The following CHRD variants were observed in gnomAD, a reference collection of about 807,000 sequenced individuals.
The protein encoded by CHRD is chordin.
CHRD carries 69 observed loss-of-function variants against 113.7 expected under a neutral mutation model. That is an observed-to-expected ratio of 0.61 (90% confidence interval 0.50 to 0.74). CHRD has a LOEUF of 0.74. CHRD is among the 30% of genes least tolerant of loss of function. The probability of loss-of-function intolerance (pLI) is 0.00; values close to 1 mark genes in which losing one functional copy is unlikely to be tolerated. For missense variants in CHRD, 1,194 were observed against 1,295.8 expected (o/e 0.92, Z 1.21); for synonymous variants, 561 against 540.8 (o/e 1.04, Z -0.52).
exon 17 of CHRD, chr3:184,386,850 A>G: frequency 6.2e-7 from 1 of 1,614,108 alleles, no homozygotes; most frequent in Non-Finnish European, 8.5e-7. Flanking sequence ...TGCAGAGACG[A>G]ACGGTGATCT....
In CHRD at chr3:184,381,586, C is replaced by G; in HGVS notation, c.473C>G (p.Pro158Arg). ...CGCAGTTATAGCGACCGCGGGGAGC[C>G]AGGCGCTGAGGAGCGGGCCCGTGGT... Residue 158 changes from proline to arginine, a missense_variant, in exon 4 of 23, where the codon CCA becomes CGA. Pro to Arg is a moderately radical substitution (Grantham distance 103). Transcript: ENST00000204604. The surrounding 1 kb of genome is among the most constrained non-coding windows in gnomAD (Gnocchi z 4.7). 1 of 1,608,684 alleles carries G rather than the reference C, an allele frequency of 6.2e-7. No individual in the cohort carries two copies. The highest frequency in any genetic ancestry group is 8.5e-7 in the Non-Finnish European group (1 of 1,177,746).
Position 184,388,013 on chromosome 3 carries a change from A to G in CHRD, c.2534A>G (p.Asp845Gly). 2 of 1,613,622 alleles carry G rather than the reference A, an allele frequency of 1.2e-6. No homozygotes were observed. The highest frequency in any genetic ancestry group is 4.5e-5 in the East Asian group (2 of 44,880). Residue 845 changes from aspartate (D) to glycine (G), a missense_variant, in exon 20 of 23, where the codon GAC (aspartate) becomes GGC (glycine). Physicochemically the swap from Asp to Gly is moderately conservative, Grantham distance 94. Transcript: ENST00000204604. This position sits in a 1 kb window ranked among gnomAD's most constrained non-coding sequence, Gnocchi z 6.1. ...CAGCCTGTGCGTGTCAACCCCACCG[A>G]CTGCTGCAAACAGTGTCCAGGTGAG...
In CHRD at chr3:184,381,500, C is replaced by T. The variant is rs992004711; in HGVS notation, c.387C>T (p.Arg129=). 13 of 1,596,446 alleles carry T rather than the reference C, an allele frequency of 8.1e-6. No individual in the cohort carries two copies. In the Admixed American group the frequency reaches 1.2e-4, roughly 15 times the overall value. Residue 129 remains arginine, a synonymous_variant, in exon 4 of 23, where the codon CGC becomes CGT. Transcript: ENST00000204604. The surrounding 1 kb of genome is among the most constrained non-coding windows in gnomAD (Gnocchi z 4.7). ...TTCTTACCCCCCCGCCCGCAGAGCG[C>T]AGCAGTTCGGAGCGGCAGCCGAGCG... is the stretch of plus-strand genomic sequence containing the variant.
chr3:184,388,015 T>G lies in CHRD; in HGVS notation c.2536T>G (p.Cys846Gly). 1 of 1,613,632 alleles carries G rather than the reference T, an allele frequency of 6.2e-7. No individual in the cohort carries two copies. ...GCCTGTGCGTGTCAACCCCACCGAC[T>G]GCTGCAAACAGTGTCCAGGTGAGAG... Residue 846 changes from cysteine (C) to glycine (G), a missense_variant, in exon 20 of 23, where the codon TGC becomes GGC. By Grantham distance (159) the Cys-to-Gly change is radical. Transcript: ENST00000204604. This position sits in a 1 kb window ranked among gnomAD's most constrained non-coding sequence, Gnocchi z 6.1.
At position 184,384,660 on chromosome 3, in the gene CHRD, C is replaced by T. The variant is rs1716003064; in HGVS notation, c.1564C>T (p.Leu522=). The T allele has an allele frequency of 1.3e-6, 2 of 1,591,670 alleles. No individual in the cohort carries two copies. Among genetic ancestry groups the T allele is most frequent in the Non-Finnish European group, 8.6e-7 (1 of 1,169,510 alleles). ...AGAGCTTCGGGGGCACGTGGCTGCCCTGCCCTACTGTGGGCATAGCGCCCG... is the reference window on the plus strand; with the variant it reads ...AGAGCTTCGGGGGCACGTGGCTGCCTTGCCCTACTGTGGGCATAGCGCCCG... Residue 522 remains leucine (L), a synonymous_variant, in exon 13 of 23, where the codon CTG becomes TTG. Transcript: ENST00000204604. This position sits in a 1 kb window ranked among gnomAD's most constrained non-coding sequence, Gnocchi z 4.4.
At chr3:184,386,446 C>G in intron 15 of CHRD, 46 bp from the exon 16 acceptor site, 10 of 1,529,306 alleles carry the variant, frequency 6.5e-6, no homozygotes, top group Non-Finnish European at 8.8e-6. Context: ...CTGGTAAAGA[C>G]GCGAGGGGGA....
At position 184,381,924 on chromosome 3, in the gene CHRD, C is replaced by T. The variant is rs1715506928; in HGVS notation, c.612-9C>T. ...CTCAGTCCGGCCTCACCCGACCTCT[C>T]ATTCCCAGGCTGGACCGCCCTACCA... is the stretch of plus-strand genomic sequence containing the variant. On this transcript the variant is annotated splice_polypyrimidine_tract_variant and intron_variant, in intron 5 of 22. Coordinates refer to ENST00000204604, the Ensembl canonical transcript of CHRD. This position sits in a 1 kb window ranked among gnomAD's most constrained non-coding sequence, Gnocchi z 4.7. 13 of 1,613,964 alleles carry T rather than the reference C, an allele frequency of 8.1e-6. No individual in the cohort carries two copies. The highest frequency in any genetic ancestry group is 1.1e-5 in the Non-Finnish European group (13 of 1,180,028).
exon 17 of CHRD, chr3:184,386,913 C>G (rs141541705): frequency 6.8e-6 from 11 of 1,614,094 alleles, no homozygotes; most frequent in African/African-American, 1.3e-5. Context: ...TGCAGGCTCC[C>G]GACCAGTGCT....
chr3:184,386,394 C>T, intron 15 of CHRD, 98 bp from the exon 16 acceptor site: 2 of 1,485,044 alleles, frequency 1.3e-6, no homozygotes, highest in Non-Finnish European at 9.0e-7. Flanking sequence ...CACTGCAGCG[C>T]TCAGGGGGCC....
chr3:184,380,646 A>G lies in CHRD; in HGVS notation c.149-46A>G. The G allele has an allele frequency of 6.9e-7, 1 of 1,459,536 alleles. No individual in the cohort carries two copies. Among genetic ancestry groups the G allele is most frequent in the Non-Finnish European group, 9.1e-7 (1 of 1,100,860 alleles). The allele number at this position is 1,459,536 out of a possible 1,614,324, so 90.4% of individuals were successfully genotyped here. ...CCGCGGGCAGCCCCCGGGGCGGCAC[A>G]CGGCGCGAGCTGGGCAGCGGCCTCC... On this transcript the variant is annotated intron_variant, in intron 1 of 22. Transcript: ENST00000204604. This position sits in a 1 kb window ranked among gnomAD's most constrained non-coding sequence, Gnocchi z 6.3.
chr3:184,388,466 C>T lies in CHRD; in HGVS notation c.2555-121C>T. 1 of 1,108,488 alleles carries T rather than the reference C, an allele frequency of 9.0e-7. No homozygotes were observed. Among genetic ancestry groups the T allele is most frequent in the South Asian group, 1.5e-5 (1 of 66,358 alleles). The allele number at this position is 1,108,488 out of a possible 1,614,324, so 68.7% of individuals were successfully genotyped here. On this transcript the variant is annotated intron_variant, in intron 20 of 22. Transcript: ENST00000204604. The surrounding 1 kb of genome is among the most constrained non-coding windows in gnomAD (Gnocchi z 6.1). ...ATCCATCCATTCATCTGCCCACCCA[C>T]CCATCCAAATTTATCACCTACTAAG...
rs188717397 is a variant in CHRD, at chr3:184,384,376, G to A, written c.1441-161G>A. Among the ~76,000 whole-genome samples the A allele has an allele frequency of 6.6e-3, 1,010 of 152,318 alleles. 10 individuals carry two copies. Among genetic ancestry groups the A allele is most frequent in the African/African-American group, 0.022 (900 of 41,576 alleles). On this transcript the variant is annotated intron_variant, in intron 12 of 22. Transcript: ENST00000204604. The surrounding 1 kb of genome is among the most constrained non-coding windows in gnomAD (Gnocchi z 4.4). ...TTGAAGGTTGTTACATAGCTAGGAAGCAGCAGGGGAGGGCCTTGAAACTGG... is the reference window on the plus strand; with the variant it reads ...TTGAAGGTTGTTACATAGCTAGGAAACAGCAGGGGAGGGCCTTGAAACTGG...
rs183905581 is a variant in CHRD at position 184,388,547 on chromosome 3, G to A, written c.2555-40G>A. 4,600 of 1,577,394 alleles carry A rather than the reference G, an allele frequency of 2.9e-3. 10 individuals carry two copies. The highest frequency in any genetic ancestry group is 4.7e-3 in the Admixed American group (251 of 53,812). The stretch of plus-strand genomic sequence containing the variant: ...AAGAGAATACTCATAAAACCTTGTT[G>A]GTCCTCCTGGGCTGATCCTTTCTCT... On this transcript the variant is annotated intron_variant, in intron 20 of 22. Transcript: ENST00000204604. This position sits in a 1 kb window ranked among gnomAD's most constrained non-coding sequence, Gnocchi z 6.1.
rs202122376 is a variant in CHRD, at chr3:184,381,486, C to A, written c.383-10C>A. The A allele has an allele frequency of 3.2e-6, 5 of 1,587,162 alleles. No individual in the cohort carries two copies. Among genetic ancestry groups the A allele is most frequent in the South Asian group, 2.3e-5 (2 of 87,960 alleles). On this transcript the variant is annotated splice_polypyrimidine_tract_variant and intron_variant, in intron 3 of 22. Coordinates refer to ENST00000204604, the Ensembl canonical transcript of CHRD. This position sits in a 1 kb window ranked among gnomAD's most constrained non-coding sequence, Gnocchi z 4.7. ...AGCTGAAGCCCGTGTTCTTACCCCC[C>A]CGCCCGCAGAGCGCAGCAGTTCGGA...
At position 184,384,166 on chromosome 3, in the gene CHRD, T is replaced by G. The variant is rs1271923364; in HGVS notation, c.1441-371T>G. Reference sequence around the variant, plus strand: ...TGTGCTTAGCAAGCTCACAGTCAAATGGGAGCATTGGACCTGGAGAACAGT... The same window carrying G: ...TGTGCTTAGCAAGCTCACAGTCAAAGGGGAGCATTGGACCTGGAGAACAGT... On this transcript the variant is annotated intron_variant, in intron 12 of 22. Transcript: ENST00000204604. The surrounding 1 kb of genome is among the most constrained non-coding windows in gnomAD (Gnocchi z 4.4). Among the ~76,000 whole-genome samples the G allele has an allele frequency of 2.6e-5, 4 of 152,166 alleles. No individual in the cohort carries two copies. Among genetic ancestry groups the G allele is most frequent in the Non-Finnish European group, 5.9e-5 (4 of 68,036 alleles).
rs896253227 is a variant in CHRD, at chr3:184,380,492, G to A, written c.148+26G>A. 8 of 1,165,132 alleles carry A rather than the reference G, an allele frequency of 6.9e-6. No individual in the cohort carries two copies. Among genetic ancestry groups the A allele is most frequent in the African/African-American group, 3.3e-5 (2 of 61,132 alleles). The allele number at this position is 1,165,132 out of a possible 1,614,324, so 72.2% of individuals were successfully genotyped here. A position where few individuals can be genotyped will look rare whatever the true frequency, so the allele number is the denominator to read the frequency against. ...GTAGGTGGGCGCCCGGGGGAGGCGC[G>A]GGCGGGGAGTCGGGCTCGGGGCGAG... On this transcript the variant is annotated intron_variant, in intron 1 of 22. Coordinates refer to ENST00000204604, the Ensembl canonical transcript of CHRD. This position sits in a 1 kb window ranked among gnomAD's most constrained non-coding sequence, Gnocchi z 6.3.
Position 184,380,330 on chromosome 3 carries a change from C to A in CHRD, c.12C>A (p.Leu4=). ...GTCCCGTTCGCGTCATGCCGAGCCT[C>A]CCGGCCCCGCCGGCCCCGCTGCTGC... The change falls in exon 1 of 23, where the codon CTC becomes CTA. Residue 4 remains leucine (L), a synonymous_variant. Coordinates refer to ENST00000204604, the Ensembl canonical transcript of CHRD. The surrounding 1 kb of genome is among the most constrained non-coding windows in gnomAD (Gnocchi z 6.3). The A allele has an allele frequency of 2.2e-6, 3 of 1,334,626 alleles. No individual in the cohort carries two copies. Among genetic ancestry groups the A allele is most frequent in the Non-Finnish European group, 2.9e-6 (3 of 1,031,432 alleles). The allele number at this position is 1,334,626 out of a possible 1,614,324, so 82.7% of individuals were successfully genotyped here. A position where few individuals can be genotyped will look rare whatever the true frequency, so the allele number is the denominator to read the frequency against.
chr3:184,386,892 C>T, exon 17 of CHRD: 1 of 1,614,184 alleles, frequency 6.2e-7, no homozygotes, highest in Non-Finnish European at 8.5e-7. Context: ...CGCCCAGCTG[C>T]CCACACCCGG....
At position 184,380,760 on chromosome 3, in the gene CHRD, G is replaced by A. The variant is rs1439529820; in HGVS notation, c.217G>A (p.Gly73Arg). The A allele has an allele frequency of 5.6e-6, 9 of 1,599,888 alleles. No individual in the cohort carries two copies. The highest frequency in any genetic ancestry group is 7.6e-6 in the Non-Finnish European group (9 of 1,177,306). The change falls in exon 2 of 23, where the codon GGG (glycine) becomes AGG (arginine). Residue 73 changes from glycine (G) to arginine (R), a missense_variant. By Grantham distance (125) the Gly-to-Arg change is moderately radical. Transcript: ENST00000204604. This position sits in a 1 kb window ranked among gnomAD's most constrained non-coding sequence, Gnocchi z 6.3. Reference sequence around the variant, plus strand: ...GCACCCGGACCTAGGGGAGCCATTCGGGGTGATGCGCTGCGTGCTGTGCGC... The same window carrying A: ...GCACCCGGACCTAGGGGAGCCATTCAGGGTGATGCGCTGCGTGCTGTGCGC...
Sources: allele counts gnomAD v4.1 joint callset (sites outside exome capture counted in the v4.1 genomes callset), GRCh38; gene constraint gnomAD v4.1.1; non-coding constraint Gnocchi (gnomAD v3.1); transcripts MANE v1.5; gene names NCBI Gene and HGNC (gene_info 2026-07-23, HGNC 2026-07-21).